Variants in NUMA1 observed in about 807,000 individuals in gnomAD.
NUMA1 encodes the protein SP-H antigen.
Under a neutral mutation model 237.1 loss-of-function variants are expected in NUMA1, and 62 were observed. The ratio of observed to expected loss-of-function variants is 0.26; its 90% confidence interval spans 0.21 to 0.32. The LOEUF is 0.32. Among genes scored for constraint, NUMA1 ranks in the 10% least tolerant of loss-of-function variants. The pLI, the probability that NUMA1 is intolerant of heterozygous loss-of-function variation, is 1.00. For missense variants in NUMA1, 2,533 were observed against 2,666.5 expected (o/e 0.95, Z 1.10); for synonymous variants, 1,028 against 1,066.1 (o/e 0.96, Z 0.70).
intron 1 of NUMA1, among the ~76,000 whole-genome samples, chr11:72,073,068 A>AAAAAAAAAAAAAAAAT (rs1943537324): frequency 4.1e-5 from 6 of 145,808 alleles, no homozygotes; most frequent in African/African-American, 1.5e-4. Context: ...AAAAAAAAAA[A>AAAAAAAAAAAAAAAAT]GCTGCCTAGG....
chr11:72,077,271 GC>G (rs1943752975), intron 1 of NUMA1, among the ~76,000 whole-genome samples: 1 of 152,120 alleles, frequency 6.6e-6, no homozygotes, highest in Admixed American at 6.5e-5. Context: ...ATTACTATAT[GC>G]CCCCAGTATA....
intron 16 of NUMA1, among the ~76,000 whole-genome samples, chr11:72,011,448 G>A (rs1305043172): frequency 6.6e-6 from 1 of 152,196 alleles, no homozygotes; most frequent in Non-Finnish European, 1.5e-5. Context: ...CCTACAAAGA[G>A]GAAGAGCACA....
At chr11:72,019,975 GC>G (rs148018663) in intron 8 of NUMA1, among the ~76,000 whole-genome samples, 2,874 of 152,254 alleles carry the variant, frequency 0.019, 61 homozygotes, top group Non-Finnish European at 0.026. Flanking sequence ...TCTCCTTGCA[GC>G]CCCCAACAAC....
At chr11:72,021,857 T>G (rs1335082920) in intron 7 of NUMA1, among the ~76,000 whole-genome samples, 1 of 152,184 alleles carries the variant, frequency 6.6e-6, no homozygotes, top group African/African-American at 2.4e-5. Flanking sequence ...CAAGCAATCC[T>G]CCTGTCTCGG....
At chr11:72,055,307 T>C (rs1179898666) in intron 2 of NUMA1, among the ~76,000 whole-genome samples, 1 of 152,190 alleles carries the variant, frequency 6.6e-6, no homozygotes, top group Non-Finnish European at 1.5e-5. Flanking sequence ...AGGGCATTAT[T>C]ATTTTCACTT....
At chr11:72,010,760 C>T in intron 17 of NUMA1, 26 bp downstream of exon 17, 1 of 1,610,568 alleles carries the variant, frequency 6.2e-7, no homozygotes, top group East Asian at 2.2e-5. Context: ...GTCCAGAGGC[C>T]AGACCCATTC....
At chr11:72,005,702 G>T (rs921164933) in intron 22 of NUMA1, 32 of 497,122 alleles carry the variant, frequency 6.4e-5, no homozygotes, top group Non-Finnish European at 1.0e-4. Context: ...GTGCCCAAAG[G>T]ACAAGAGCTT....
At position 72,009,076 on chromosome 11, in the gene NUMA1, G is replaced by C; in HGVS notation, c.4949C>G (p.Ala1650Gly). The change falls in exon 19 of 27, where the codon GCT becomes GGT. Residue 1650 changes from alanine (A) to glycine (G), a missense_variant. Coordinates refer to ENST00000393695, the MANE Select transcript of NUMA1 (RefSeq NM_006185.4). Reference sequence around the variant, plus strand: ...CTCATGGCCCAGCCGTTCAGCTTCAGCTCGCAGCTCTTTGTTTTCCTTCTG... The same window carrying C: ...CTCATGGCCCAGCCGTTCAGCTTCACCTCGCAGCTCTTTGTTTTCCTTCTG... ...QLQKENKELR[A>G]EAERLGHELQ... 1 of 1,613,624 alleles carries C rather than the reference G, an allele frequency of 6.2e-7. No homozygotes were observed.
At chr11:72,020,879 AAT>A in intron 8 of NUMA1, 1 of 190,124 alleles carries the variant, frequency 5.3e-6, no homozygotes, top group Non-Finnish European at 1.1e-5. Context: ...CTCAAAAAAA[AAT>A]AAAAATAAAA....
rs1452845010 is a variant in NUMA1, at chr11:72,015,483, C to A, written c.2020G>T (p.Ala674Ser). ...QEQHEAQAQV[A>S]ELELQLRSEQ... ...GACCGCAGCTGCAACTCTAGCTCTG[C>A]AACCTGGGCCTGGGCCTCATGCTGT... The change falls in exon 15 of 27, where the codon GCA becomes TCA. Residue 674 changes from alanine to serine, a missense_variant. Ala to Ser is a moderately conservative substitution (Grantham distance 99). This residue lies in a region of NUMA1 where 1,414 missense variants were observed against 1,508.1 expected (regional missense o/e 0.94). Coordinates refer to ENST00000393695, the MANE Select transcript of NUMA1 (RefSeq NM_006185.4). The surrounding 1 kb of genome is among the most constrained non-coding windows in gnomAD (Gnocchi z 4.0). 6.2e-7 allele frequency: 1 copy of A among 1,612,786 alleles called. No individual in the cohort carries two copies. Among genetic ancestry groups the A allele is most frequent in the Non-Finnish European group, 8.5e-7 (1 of 1,180,042 alleles).
chr11:72,076,837 C>T (rs537914024), intron 1 of NUMA1: 1 of 151,518 alleles, frequency 6.6e-6, no homozygotes, highest in African/African-American at 2.4e-5. Flanking sequence ...TCCTCTGTAT[C>T]TTGATTATGG....
chr11:72,019,659 TAAG>T, intron 8 of NUMA1, 42 bp from the exon 9 acceptor site: 2 of 1,600,430 alleles, frequency 1.2e-6, no homozygotes, highest in Non-Finnish European at 8.5e-7. Flanking sequence ...CAAAGGTTAG[TAAG>T]AAGGTGTAAA....
intron 2 of NUMA1, among the ~76,000 whole-genome samples, chr11:72,046,435 T>G (rs1942002003): frequency 6.6e-6 from 1 of 151,944 alleles, no homozygotes; most frequent in African/African-American, 2.4e-5. Flanking sequence ...TCCCAGCTAT[T>G]CGGGAGGCTG....
In NUMA1 at chr11:72,016,409, T is replaced by A; in HGVS notation, c.1241A>T (p.Gln414Leu). 6.2e-7 allele frequency: 1 copy of A among 1,613,848 alleles called. No individual in the cohort carries two copies. The highest frequency in any genetic ancestry group is 8.5e-7 in the Non-Finnish European group (1 of 1,179,942). ...EKGEVLGDVL[Q>L]LETLKQEAAT... ...ACAGGTCTTTCTGTGCATTCCTACC[T>A]GCAAGACATCACCCAGCACCTCGCC... Residue 414 changes from glutamine (Q) to leucine (L), a missense_variant and splice_region_variant, in exon 14 of 27, where the codon CAG becomes CTG. Physicochemically the swap from Gln to Leu is moderately radical, Grantham distance 113 (BLOSUM62 -2). Coordinates refer to ENST00000393695, the MANE Select transcript of NUMA1 (RefSeq NM_006185.4).
intron 20 of NUMA1, 132 bp downstream of exon 20, chr11:72,008,556 T>C (rs1336896333): frequency 1.9e-6 from 2 of 1,030,556 alleles, no homozygotes; most frequent in Non-Finnish European, 2.9e-6. Flanking sequence ...AGATATCTGG[T>C]ATAATACCCG....
Position 72,003,156 on chromosome 11 carries a change from G to T in NUMA1, c.*371C>A. On this transcript the variant is annotated 3_prime_UTR_variant, in exon 27 of 27. Transcript: ENST00000393695. The stretch of plus-strand genomic sequence containing the variant: ...AGCCACCAGGACAGCAGGAACCAGG[G>T]CCTACTCCTCTTATGGTCCCTTCTA... The T allele has an allele frequency of 3.3e-6, 1 of 307,494 alleles. No homozygotes were observed. The highest frequency in any genetic ancestry group is 6.1e-6 in the Non-Finnish European group (1 of 162,782). The allele number at this position is 307,494 out of a possible 1,614,324, so 19.0% of individuals were successfully genotyped here. A position where few individuals can be genotyped will look rare whatever the true frequency, so the allele number is the denominator to read the frequency against.
chr11:72,067,375 C>T (rs1047015975), intron 2 of NUMA1: 3 of 152,198 alleles, frequency 2.0e-5, no homozygotes, highest in Admixed American at 2.0e-4. Flanking sequence ...TTAATAACAG[C>T]AGGAAACAAA....
rs1938775426 is a variant in NUMA1 at position 72,021,269 on chromosome 11, T to A, written c.395A>T (p.Lys132Ile). ...CCCGTCCTCATGGTCCAGCACAAAT[T>A]TAAGAATGACAGCCAACTCAGCCTG... is the stretch of plus-strand genomic sequence containing the variant. ...KIQAELAVILKFVLDHEDGLN... is the reference protein window; with the variant it reads ...KIQAELAVILIFVLDHEDGLN... Residue 132 changes from lysine to isoleucine, a missense_variant, in exon 8 of 27, where the codon AAA becomes ATA. This residue lies in a region of NUMA1 where 1,414 missense variants were observed against 1,508.1 expected (regional missense o/e 0.94). Coordinates refer to ENST00000393695, the MANE Select transcript of NUMA1 (RefSeq NM_006185.4). 1 of 1,614,118 alleles carries A rather than the reference T, an allele frequency of 6.2e-7. No individual in the cohort carries two copies. Among genetic ancestry groups the A allele is most frequent in the East Asian group, 2.2e-5 (1 of 44,860 alleles).
At chr11:72,065,137 C>G (rs1373364941) in intron 2 of NUMA1, 1 of 151,906 alleles carries the variant, frequency 6.6e-6, no homozygotes, top group African/African-American at 2.4e-5. Context: ...ATTGTTTAAT[C>G]TAGTAATCTA....
Sources: gnomAD v4.1 joint callset for allele counts (sites outside exome capture counted in the v4.1 genomes callset) on GRCh38, gnomAD v4.1.1 for gene constraint, gnomAD v4.1.1 regional missense constraint, Gnocchi (gnomAD v3.1) non-coding constraint, MANE v1.5 for transcripts, NCBI Gene and HGNC (gene_info 2026-07-23, HGNC 2026-07-21) for gene names.